The following LAMB4 variants were observed in gnomAD, a reference collection of about 807,000 sequenced individuals.
The protein encoded by LAMB4 is laminin subunit beta-4.
In LAMB4, 196 loss-of-function variants were observed where a neutral mutation model predicts 199.2. That is an observed-to-expected ratio of 0.98 (90% CI 0.88 to 1.11). The LOEUF is 1.11. Ranked by LOEUF, LAMB4 falls within the 50% of genes least tolerant of loss-of-function variation. The pLI is 0.00. For missense variants in LAMB4, 2,080 were observed against 2,171.2 expected (o/e 0.96, Z 0.83); for synonymous variants, 744 against 770.6 (o/e 0.97, Z 0.57).
intron 30 of LAMB4, among the ~76,000 whole-genome samples, chr7:108,034,553 A>T (rs1486726309): frequency 6.6e-6 from 1 of 152,212 alleles, no homozygotes; most frequent in Admixed American, 6.5e-5. Context: ...ACACACGTAT[A>T]TATTCATAGC....
At chr7:108,027,486 T>G (rs1326912511) in intron 33 of LAMB4, among the ~76,000 whole-genome samples, 1 of 152,146 alleles carries the variant, frequency 6.6e-6, no homozygotes, top group Non-Finnish European at 1.5e-5. Flanking sequence ...CATTTTCAGT[T>G]TTTTCATGTC....
intron 15 of LAMB4, 92 bp from the exon 16 acceptor site, chr7:108,078,408 C>T: frequency 1.3e-6 from 1 of 794,880 alleles, no homozygotes; most frequent in Non-Finnish European, 2.1e-6. Context: ...AGTGCATGGA[C>T]TTGAATTTGC....
intron 17 of LAMB4, 100 bp downstream of exon 17, chr7:108,076,844 C>A: frequency 5.2e-6 from 7 of 1,342,860 alleles, no homozygotes; most frequent in Non-Finnish European, 7.2e-6. Flanking sequence ...TGAGCAAATA[C>A]GTTTACATTT....
chr7:108,106,571 AC>A lies in LAMB4; in HGVS notation c.592del (p.Val198LeufsTer3). 1.3e-6 allele frequency: 2 copies of A among 1,508,022 alleles called. No homozygotes were observed. The highest frequency in any genetic ancestry group is 1.8e-6 in the Non-Finnish European group (2 of 1,086,316). 93.4% of individuals were successfully genotyped at this position (1,508,022 alleles called of 1,614,324 possible). A position where few individuals can be genotyped will look rare whatever the true frequency, so the allele number is the denominator to read the frequency against. On this transcript the variant is annotated frameshift_variant and splice_region_variant, in exon 7 of 34. Coordinates refer to ENST00000388781, the MANE Select transcript of LAMB4 (RefSeq NM_007356.3). LOFTEE classifies it high-confidence loss of function. The part of the protein sequence containing the change: ...SDIEPSTGGE[V>X]VLKVLDPSFE... ...ACTGGGATCCAAAACTTTTAAAACA[AC>A]CTGTAAAACAAATATAGATACATTT...
chr7:108,071,450 G>A (rs2036533182), intron 17 of LAMB4, among the ~76,000 whole-genome samples: 1 of 152,168 alleles, frequency 6.6e-6, no homozygotes, highest in African/African-American at 2.4e-5. Flanking sequence ...GCACCTGTCA[G>A]TCGTGGGCTC....
intron 14 of LAMB4, among the ~76,000 whole-genome samples, chr7:108,088,694 T>TGGA (rs1283227493): frequency 2.6e-5 from 4 of 152,230 alleles, no homozygotes; most frequent in Non-Finnish European, 5.9e-5. Flanking sequence ...TGTTACCTCT[T>TGGA]AACTTAGGTC....
intron 2 of LAMB4, among the ~76,000 whole-genome samples, chr7:108,121,595 C>CA (rs1322594881): frequency 6.6e-6 from 1 of 151,834 alleles, no homozygotes; most frequent in East Asian, 1.9e-4. Flanking sequence ...ACTAAAAATA[C>CA]AAAAAATTAG....
intron 2 of LAMB4, 82 bp from the exon 3 acceptor site, chr7:108,116,243 A>G: frequency 7.6e-7 from 1 of 1,307,402 alleles, no homozygotes; most frequent in South Asian, 1.5e-5. Context: ...TTAAGGGGGA[A>G]AGTTATGTAT....
chr7:108,020,542 T>G (rs907279044), downstream of LAMB4, among the ~76,000 whole-genome samples: 2 of 151,628 alleles, frequency 1.3e-5, no homozygotes, highest in African/African-American at 4.8e-5. Context: ...ATCAATTGAC[T>G]ACATATAGGT....
chr7:108,046,816 T>G (rs2035642954), intron 28 of LAMB4, among the ~76,000 whole-genome samples: 1 of 152,038 alleles, frequency 6.6e-6, no homozygotes, highest in South Asian at 2.1e-4. Flanking sequence ...TTAGTAGGTT[T>G]TCAAATATAC....
chr7:108,039,179 A>T (rs780072783), intron 29 of LAMB4, among the ~76,000 whole-genome samples: 39 of 152,248 alleles, frequency 2.6e-4, no homozygotes, highest in Admixed American at 4.6e-4. Context: ...TAGTGTGCTT[A>T]GAAGGGCTGG....
At chr7:108,044,955 C>CAAAAAAAAAAAAAAA (rs756256335) in intron 28 of LAMB4, among the ~76,000 whole-genome samples, 4 of 56,516 alleles carry the variant, frequency 7.1e-5, no homozygotes, top group Non-Finnish European at 1.0e-4. Flanking sequence ...ATTCTTGTCT[C>CAAAAAAAAAAAAAAA]AAAAAAAAAA....
chr7:108,030,179 G>A (rs968106165), intron 32 of LAMB4, among the ~76,000 whole-genome samples: 5 of 151,370 alleles, frequency 3.3e-5, no homozygotes, highest in Admixed American at 1.3e-4. Flanking sequence ...CTCAGTTCCT[G>A]TCAGTGGAAA....
intron 33 of LAMB4, among the ~76,000 whole-genome samples, chr7:108,025,176 A>G (rs541460930): frequency 2.0e-5 from 3 of 152,358 alleles, no homozygotes; most frequent in East Asian, 3.9e-4. Flanking sequence ...GTTTTCAAGT[A>G]TCTGAAGGGC....
chr7:108,048,723 C>T lies in LAMB4; in HGVS notation c.4122+603G>A, dbSNP rs1342620351. Among the ~76,000 whole-genome samples, 10 of 151,910 alleles carry T rather than the reference C, an allele frequency of 6.6e-5. No individual in the cohort carries two copies. The East Asian group carries it at 1.2e-3, about 18-fold the overall frequency. On this transcript the variant is annotated intron_variant, in intron 27 of 33. Coordinates refer to ENST00000388781, the MANE Select transcript of LAMB4 (RefSeq NM_007356.3). ...TTTATTTATTTATTGAGATGAGTCTCGCTCTCTCGCCCAGGCTGGAGTGCA... is the reference window on the plus strand; with the variant it reads ...TTTATTTATTTATTGAGATGAGTCTTGCTCTCTCGCCCAGGCTGGAGTGCA...
intron 25 of LAMB4, 114 bp downstream of exon 25, chr7:108,055,518 C>A: frequency 9.1e-7 from 1 of 1,100,350 alleles, no homozygotes; most frequent in Non-Finnish European, 1.3e-6. Context: ...AACTATCAGT[C>A]CCCTAAAGTC....
chr7:108,125,510 C>T (rs988413055), intron 1 of LAMB4, among the ~76,000 whole-genome samples: 4 of 152,148 alleles, frequency 2.6e-5, no homozygotes, highest in Non-Finnish European at 5.9e-5. Flanking sequence ...CTGTGAATAG[C>T]CTACGATTCA....
intron 8 of LAMB4, among the ~76,000 whole-genome samples, chr7:108,104,906 G>T (rs1362891357): frequency 6.6e-6 from 1 of 151,924 alleles, no homozygotes; most frequent in Non-Finnish European, 1.5e-5. Flanking sequence ...TAAAATGAGG[G>T]ACAGGATGGC....
intron 33 of LAMB4, 103 bp downstream of exon 33, chr7:108,028,940 C>T: frequency 1.8e-6 from 2 of 1,121,718 alleles, no homozygotes; most frequent in Non-Finnish European, 2.5e-6. Flanking sequence ...TCAGTGGACC[C>T]AAGTGATAAA....
Sources: gnomAD v4.1 joint callset for allele counts (sites outside exome capture counted in the v4.1 genomes callset) on GRCh38, gnomAD v4.1.1 for gene constraint, MANE v1.5 for transcripts, NCBI Gene and HGNC (gene_info 2026-07-23, HGNC 2026-07-21) for gene names.